Variants in SMARCC1 observed in about 807,000 individuals in gnomAD.
The protein encoded by SMARCC1 is SWI/SNF related BAF chromatin remodeling complex subunit C1, also known as SWI/SNF complex subunit SMARCC1.
SMARCC1 carries 43 observed loss-of-function variants against 147.4 expected under a neutral mutation model. That is an observed-to-expected ratio of 0.29 (90% CI 0.23 to 0.38). SMARCC1 has a LOEUF of 0.38. Ranked by LOEUF, SMARCC1 falls within the 10% of genes least tolerant of loss-of-function variation. The probability of loss-of-function intolerance (pLI) is 1.00; values close to 1 mark genes in which losing one functional copy is unlikely to be tolerated. For missense variants in SMARCC1, 1,119 were observed against 1,381.1 expected (o/e 0.81, Z 3.01); for synonymous variants, 495 against 484.4 (o/e 1.02, Z -0.29).
chr3:47,718,621 C>T (rs921381890), intron 7 of SMARCC1, among the ~76,000 whole-genome samples: 1 of 151,466 alleles, frequency 6.6e-6, no homozygotes, highest in Non-Finnish European at 1.5e-5. Context: ...GTATACTGCT[C>T]GGATGATGGG....
intron 21 of SMARCC1, among the ~76,000 whole-genome samples, chr3:47,652,537 C>T (rs1467060249): frequency 6.7e-6 from 1 of 150,254 alleles, no homozygotes; most frequent in Non-Finnish European, 1.5e-5. Context: ...AGAAGTAGAG[C>T]TTTGGGATTA....
intron 9 of SMARCC1, among the ~76,000 whole-genome samples, chr3:47,707,683 G>A (rs2034010836): frequency 6.6e-6 from 1 of 152,018 alleles, no homozygotes; most frequent in African/African-American, 2.4e-5. Context: ...AGACCAGCCT[G>A]GGAAACATAG....
rs898302312 is a variant in SMARCC1 at position 47,634,573 on chromosome 3, G to T, written c.2646+617C>A. On this transcript the variant is annotated intron_variant, in intron 24 of 27. Coordinates refer to ENST00000254480, the MANE Select transcript of SMARCC1 (RefSeq NM_003074.4). ...TTCTGAAGTAGAATGAAGAACAGGG[G>T]AAAAGATTTTTAAAAACTTACATAT... 6.6e-5 allele frequency among the ~76,000 whole-genome samples: 10 copies of T among 152,124 alleles called. No individual in the cohort carries two copies. The East Asian group carries it at 1.7e-3, about 26-fold the overall frequency.
At chr3:47,723,849 A>T (rs1200806653) in intron 6 of SMARCC1, among the ~76,000 whole-genome samples, 1 of 152,090 alleles carries the variant, frequency 6.6e-6, no homozygotes, top group Non-Finnish European at 1.5e-5. Context: ...GAAAAACGAA[A>T]AAAGTACTTG....
chr3:47,722,355 T>C (rs1264435718), intron 6 of SMARCC1, among the ~76,000 whole-genome samples: 2 of 139,608 alleles, frequency 1.4e-5, no homozygotes, highest in East Asian at 4.5e-4. Flanking sequence ...TAGAATGCAA[T>C]GGTGCGATCT....
intron 2 of SMARCC1, among the ~76,000 whole-genome samples, chr3:47,751,588 T>C (rs940180854): frequency 6.6e-6 from 1 of 150,974 alleles, no homozygotes; most frequent in African/African-American, 2.4e-5. Flanking sequence ...TTTCCAATGG[T>C]AAAATATACA....
chr3:47,738,150 C>A, intron 3 of SMARCC1, 40 bp from the exon 4 acceptor site: 1 of 1,370,642 alleles, frequency 7.3e-7, no homozygotes. Flanking sequence ...TGTCTCCCAG[C>A]TTAAACACAA....
At chr3:47,708,315 A>AT (rs929614825) in intron 9 of SMARCC1, among the ~76,000 whole-genome samples, 7 of 150,342 alleles carry the variant, frequency 4.7e-5, no homozygotes, top group Non-Finnish European at 1.0e-4. Context: ...TAATTTTTGT[A>AT]TTTTTTGCAG....
At chr3:47,601,130 C>CT (rs527274418) in intron 26 of SMARCC1, among the ~76,000 whole-genome samples, 173 of 129,172 alleles carry the variant, frequency 1.3e-3, no homozygotes, top group South Asian at 0.01. Flanking sequence ...TTTCTTTTTT[C>CT]TTTTTTTTTT....
chr3:47,702,225 G>A, intron 10 of SMARCC1, among the ~76,000 whole-genome samples: 2 of 75,874 alleles, frequency 2.6e-5, no homozygotes, highest in African/African-American at 3.6e-5. Flanking sequence ...AAATGTCAGG[G>A]GGCTCAAAAA....
At position 47,622,198 on chromosome 3, in the gene SMARCC1, A is replaced by G. The variant is rs769846386; in HGVS notation, c.2781+9T>C. The G allele has an allele frequency of 3.8e-6, 6 of 1,595,190 alleles. No individual in the cohort carries two copies. The highest frequency in any genetic ancestry group is 1.9e-5 in the Admixed American group (1 of 53,682). ...GTGAAAAAGCCACTAAAAAATTCCAAATACTTACAGCTTCTTTCTCTCTGT... is the reference window on the plus strand; with the variant it reads ...GTGAAAAAGCCACTAAAAAATTCCAGATACTTACAGCTTCTTTCTCTCTGT... On this transcript the variant is annotated intron_variant, in intron 25 of 27. Transcript: ENST00000254480.
intron 21 of SMARCC1, among the ~76,000 whole-genome samples, chr3:47,641,169 C>T (rs1012973404): frequency 6.6e-6 from 1 of 152,158 alleles, no homozygotes; most frequent in Non-Finnish European, 1.5e-5. Flanking sequence ...GTCATACAGG[C>T]CAAAGCCAAC....
At chr3:47,610,359 A>G in intron 25 of SMARCC1, 32 bp from the exon 26 acceptor site, 1 of 1,613,086 alleles carries the variant, frequency 6.2e-7, no homozygotes, top group Admixed American at 1.7e-5. Context: ...GAGAAATGAC[A>G]CCAGAAGAGG....
chr3:47,608,516 A>C (rs1229105908), intron 26 of SMARCC1, among the ~76,000 whole-genome samples: 8 of 152,306 alleles, frequency 5.3e-5, no homozygotes, highest in Non-Finnish European at 1.2e-4. Flanking sequence ...TACCACAAAA[A>C]GAAAAACTGA....
intron 26 of SMARCC1, among the ~76,000 whole-genome samples, chr3:47,599,486 A>G (rs544410015): frequency 6.6e-6 from 1 of 152,384 alleles, no homozygotes; most frequent in South Asian, 2.1e-4. Flanking sequence ...TTCAATCCCC[A>G]TAACAACACT....
intron 7 of SMARCC1, among the ~76,000 whole-genome samples, chr3:47,717,640 T>C (rs1262440965): frequency 2.0e-5 from 3 of 152,162 alleles, no homozygotes; most frequent in Non-Finnish European, 4.4e-5. Context: ...CTCAGCTCAC[T>C]GCAGCCTCAA....
At chr3:47,656,166 A>G (rs1019173573) in intron 21 of SMARCC1, among the ~76,000 whole-genome samples, 2 of 152,046 alleles carry the variant, frequency 1.3e-5, no homozygotes, top group African/African-American at 4.8e-5. Context: ...AGCCAAGATC[A>G]CGCCACTGCA....
chr3:47,595,266 G>A (rs367740363), intron 26 of SMARCC1, among the ~76,000 whole-genome samples: 28 of 152,256 alleles, frequency 1.8e-4, no homozygotes, highest in Admixed American at 7.2e-4. Flanking sequence ...GATGGCTCAC[G>A]CCTGTAATCC....
chr3:47,653,791 G>T (rs898936058), intron 21 of SMARCC1, among the ~76,000 whole-genome samples: 1 of 152,132 alleles, frequency 6.6e-6, no homozygotes, highest in Non-Finnish European at 1.5e-5. Flanking sequence ...CCCAAATTCT[G>T]TTGCTGCAAT....
Sources: gnomAD v4.1 joint callset for allele counts (sites outside exome capture counted in the v4.1 genomes callset) on GRCh38, gnomAD v4.1.1 for gene constraint, MANE v1.5 for transcripts, NCBI Gene and HGNC (gene_info 2026-07-23, HGNC 2026-07-21) for gene names.